Variants in SCAPER observed in about 807,000 individuals in gnomAD.
SCAPER encodes the protein S phase cyclin A-associated protein in the endoplasmic reticulum.
In SCAPER, 98 loss-of-function variants were observed where a neutral mutation model predicts 182.2. That is an observed-to-expected ratio of 0.54 (90% CI 0.46 to 0.64). The LOEUF is 0.64. Ranked by LOEUF, SCAPER falls within the 30% of genes least tolerant of loss-of-function variation. The pLI, the probability that SCAPER is intolerant of heterozygous loss-of-function variation, is 0.00. For missense variants in SCAPER, 1,432 were observed against 1,690.0 expected, an observed-to-expected ratio of 0.85 and a Z score of 2.68; for synonymous variants, 605 against 564.6, an observed-to-expected ratio of 1.07 and a Z score of -1.01.
intron 26 of SCAPER, among the ~76,000 whole-genome samples, chr15:76,418,715 G>A (rs2045823125): frequency 6.6e-6 from 1 of 152,226 alleles, no homozygotes; most frequent in Admixed American, 6.5e-5. Flanking sequence ...AACCCAGGTG[G>A]CATCCCACCC....
intron 25 of SCAPER, among the ~76,000 whole-genome samples, chr15:76,439,330 T>C (rs981072404): frequency 1.3e-5 from 2 of 152,168 alleles, no homozygotes; most frequent in African/African-American, 2.4e-5. Flanking sequence ...CCGACCACCT[T>C]AGCCTCCCAA....
intron 4 of SCAPER, among the ~76,000 whole-genome samples, chr15:76,845,492 C>A (rs2069975242): frequency 6.6e-6 from 1 of 151,996 alleles, no homozygotes; most frequent in South Asian, 2.1e-4. Context: ...ACTATTAGAA[C>A]TGATAAACAA....
intron 23 of SCAPER, among the ~76,000 whole-genome samples, chr15:76,513,989 G>C (rs188543267): frequency 6.6e-6 from 1 of 152,178 alleles, no homozygotes; most frequent in Non-Finnish European, 1.5e-5. Flanking sequence ...AAAGTTATTT[G>C]TGTCCATGTA....
intron 21 of SCAPER, among the ~76,000 whole-genome samples, chr15:76,634,851 TTGTGTG>T (rs34278755): frequency 4.0e-5 from 6 of 149,976 alleles, no homozygotes; most frequent in Non-Finnish European, 8.9e-5. Context: ...GTGTGGGTAT[TTGTGTG>T]TGTGTGTGTG....
chr15:76,601,453 T>C lies in SCAPER; in HGVS notation c.2711+20311A>G, dbSNP rs1206094517. Among the ~76,000 whole-genome samples the C allele has an allele frequency of 4.9e-5, 6 of 121,718 alleles. 1 individual carries two copies. Among genetic ancestry groups the C allele is most frequent in the South Asian group, 2.5e-4 (1 of 3,934 alleles). The allele number at this position is 121,718 out of a possible 152,430, so 79.9% of individuals were successfully genotyped here. A position where few individuals can be genotyped will look rare whatever the true frequency, so the allele number is the denominator to read the frequency against. On this transcript the variant is annotated intron_variant, in intron 22 of 31. Coordinates refer to ENST00000563290, the MANE Select transcript of SCAPER (RefSeq NM_020843.4). ...ACAAATATTTATCATTTTGTTACAA[T>C]TGCCTGTAGTATTCATTACAGTAAC... is the stretch of plus-strand genomic sequence containing the variant.
chr15:76,897,244 T>C (rs956881808), intron 1 of SCAPER, among the ~76,000 whole-genome samples: 2 of 152,196 alleles, frequency 1.3e-5, no homozygotes, highest in Admixed American at 6.5e-5. Context: ...GATTTTCTGA[T>C]ACATGATTGC....
chr15:76,805,083 G>C (rs1427376558), intron 5 of SCAPER, among the ~76,000 whole-genome samples: 1 of 152,028 alleles, frequency 6.6e-6, no homozygotes, highest in Non-Finnish European at 1.5e-5. Context: ...GTTTTTCAAG[G>C]TTCAACCACC....
chr15:76,783,261 A>G (rs371260381), intron 8 of SCAPER, among the ~76,000 whole-genome samples: 2 of 152,152 alleles, frequency 1.3e-5, no homozygotes, highest in African/African-American at 4.8e-5. Context: ...ACACCTCTAC[A>G]CAAATAAACT....
intron 29 of SCAPER, among the ~76,000 whole-genome samples, chr15:76,362,257 G>A (rs1308452209): frequency 6.6e-6 from 1 of 152,036 alleles, no homozygotes; most frequent in East Asian, 1.9e-4. Context: ...ACAAGCATGG[G>A]CCACCGCGCT....
intron 20 of SCAPER, among the ~76,000 whole-genome samples, chr15:76,689,818 C>G (rs1279546982): frequency 6.6e-6 from 1 of 151,040 alleles, no homozygotes; most frequent in Non-Finnish European, 1.5e-5. Context: ...AAAAACTAAA[C>G]AGGGCAACAT....
At chr15:76,511,839 A>ATGTGTGTGTGTGTG (rs769062491) in intron 23 of SCAPER, among the ~76,000 whole-genome samples, 20 of 42,446 alleles carry the variant, frequency 4.7e-4, no homozygotes, top group East Asian at 4.1e-3. Context: ...TTATATATAT[A>ATGTGTGTGTGTGTG]TATATGTGTG....
At chr15:76,574,093 T>C in intron 23 of SCAPER, 65 bp downstream of exon 23, 2 of 1,519,656 alleles carry the variant, frequency 1.3e-6, no homozygotes, top group Non-Finnish European at 1.8e-6. Context: ...TATAGCTCTA[T>C]GTACTGTCAT....
intron 28 of SCAPER, among the ~76,000 whole-genome samples, chr15:76,376,733 G>A (rs62028381): frequency 6.6e-6 from 1 of 151,704 alleles, no homozygotes; most frequent in Non-Finnish European, 1.5e-5. Context: ...ATATTTTCTT[G>A]TACACAGAGT....
chr15:76,606,734 C>T lies in SCAPER; in HGVS notation c.2711+15030G>A, dbSNP rs113558597. On this transcript the variant is annotated intron_variant, in intron 22 of 31. Transcript: ENST00000563290. ...GTGCATATATATTTAGGATAGTTAG[C>T]TCTTCTTGTTGAATTGATCCCTTTA... Among the ~76,000 whole-genome samples the T allele has an allele frequency of 9.4e-4, 142 of 151,470 alleles. No homozygotes were observed. The Middle Eastern group carries it at 0.01, about 11-fold the overall frequency.
At chr15:76,777,792 C>T (rs2063835362) in intron 8 of SCAPER, among the ~76,000 whole-genome samples, 1 of 152,136 alleles carries the variant, frequency 6.6e-6, no homozygotes, top group Non-Finnish European at 1.5e-5. Context: ...ATACAAGTTG[C>T]TCCTCAACTT....
intron 25 of SCAPER, among the ~76,000 whole-genome samples, chr15:76,451,229 C>G (rs2048348622): frequency 6.6e-6 from 1 of 152,140 alleles, no homozygotes; most frequent in African/African-American, 2.4e-5. Flanking sequence ...GCTAAATATT[C>G]CACTATGAAT....
At chr15:76,602,405 G>C (rs1247206097) in intron 22 of SCAPER, among the ~76,000 whole-genome samples, 5 of 121,120 alleles carry the variant, frequency 4.1e-5, no homozygotes, top group African/African-American at 1.3e-4. Flanking sequence ...AGGTTGGTGA[G>C]TTTTTTTCTA....
chr15:76,574,011 TAAA>T, intron 23 of SCAPER, 144 bp downstream of exon 23: 1 of 670,394 alleles, frequency 1.5e-6, no homozygotes, highest in Non-Finnish European at 2.0e-6. Context: ...AGAACAAAAG[TAAA>T]AAAAAAAATT....
intron 27 of SCAPER, among the ~76,000 whole-genome samples, chr15:76,396,053 T>C (rs1032997697): frequency 2.0e-5 from 3 of 152,198 alleles, no homozygotes; most frequent in Admixed American, 2.0e-4. Context: ...CTTCTGCATA[T>C]GGATATCCAG....
Sources: allele counts gnomAD v4.1 joint callset (sites outside exome capture counted in the v4.1 genomes callset), GRCh38; gene constraint gnomAD v4.1.1; transcripts MANE v1.5; gene names NCBI Gene and HGNC (gene_info 2026-07-23, HGNC 2026-07-21).